ACSF3: variants seen among roughly 807,000 people sequenced by gnomAD.
ACSF3 encodes the protein acyl-CoA synthetase family member 3, also known as malonate--CoA ligase ACSF3, mitochondrial.
In ACSF3, 78 loss-of-function variants were observed where a neutral mutation model predicts 53.2. The ratio of observed to expected loss-of-function variants is 1.47; its 90% CI spans 1.22 to 1.77. The LOEUF is 1.77. Among genes scored for constraint, ACSF3 ranks in the 40% most tolerant of loss-of-function variants. The pLI, the probability that ACSF3 is intolerant of heterozygous loss-of-function variation, is 0.00. For synonymous variants in ACSF3, 414 were observed against 333.1 expected, an observed-to-expected ratio of 1.24 and a Z score of -2.65; for missense variants, 937 against 771.1, an observed-to-expected ratio of 1.22 and a Z score of -2.55.
At chr16:89,140,422 A>G (rs1911527200) in intron 8 of ACSF3, among the ~76,000 whole-genome samples, 1 of 152,198 alleles carries the variant, frequency 6.6e-6, no homozygotes, top group South Asian at 2.1e-4. Flanking sequence ...GGGGGCAGAG[A>G]TCTCAGGGCA....
chr16:89,128,192 C>T (rs1158565806), intron 7 of ACSF3, among the ~76,000 whole-genome samples: 2 of 151,200 alleles, frequency 1.3e-5, no homozygotes, highest in Non-Finnish European at 2.9e-5. Context: ...TAATGACGTA[C>T]GTTGCCCTTA....
chr16:89,106,671 G>C (rs1009525919), intron 4 of ACSF3, among the ~76,000 whole-genome samples: 4 of 152,212 alleles, frequency 2.6e-5, no homozygotes, highest in African/African-American at 7.2e-5. Flanking sequence ...AAGTTTCAGG[G>C]TTTTCCAACT....
At chr16:89,120,192 C>T (rs1283613177) in intron 6 of ACSF3, among the ~76,000 whole-genome samples, 3 of 152,216 alleles carry the variant, frequency 2.0e-5, no homozygotes, top group African/African-American at 7.2e-5. Context: ...ATGATTTTAG[C>T]CACGTTGAGA....
At chr16:89,096,477 C>T (rs192950639) in intron 1 of ACSF3, among the ~76,000 whole-genome samples, 7 of 152,156 alleles carry the variant, frequency 4.6e-5, no homozygotes, top group East Asian at 1.9e-4. Flanking sequence ...ATCCGATGAC[C>T]GTGAAGATTC....
rs575857695 is a variant in ACSF3 at position 89,155,993 on chromosome 16, G to A, written c.*1786G>A. 1.9e-4 allele frequency: 69 copies of A among 360,466 alleles called. 2 individuals are homozygous for A. Among genetic ancestry groups the A allele is most frequent in the African/African-American group, 1.3e-3 (60 of 46,850 alleles). 22.3% of individuals were successfully genotyped at this position (360,466 alleles called of 1,614,324 possible). ...ACAAACTACAGAAAGCCTGGAGCTC[G>A]TTGACCAGCCGGTTGACCAGAATAC... On this transcript the variant is annotated 3_prime_UTR_variant, in exon 11 of 11. Transcript: ENST00000614302.
At position 89,154,990 on chromosome 16, in the gene ACSF3, C is replaced by T. The variant is rs1301687792; in HGVS notation, c.*783C>T. On this transcript the variant is annotated 3_prime_UTR_variant, in exon 11 of 11. Transcript: ENST00000614302. ...CGTCTCCACCCAGACCCCCACCTGC[C>T]CCATGGCCCCCATTTCATGTCTGTG... The T allele has an allele frequency of 6.6e-6, 3 of 454,054 alleles. No homozygotes were observed. The Admixed American group carries it at 7.0e-5, about 11-fold the overall frequency. 28.1% of individuals were successfully genotyped at this position (454,054 alleles called of 1,614,324 possible).
At chr16:89,128,555 T>G (rs576460302) in intron 7 of ACSF3, among the ~76,000 whole-genome samples, 2 of 152,306 alleles carry the variant, frequency 1.3e-5, no homozygotes, top group African/African-American at 4.8e-5. Flanking sequence ...CCACCACGCC[T>G]GACCTAAATT....
intron 4 of ACSF3, among the ~76,000 whole-genome samples, chr16:89,110,785 G>C (rs541425166): frequency 2.6e-5 from 4 of 152,144 alleles, no homozygotes; most frequent in Admixed American, 1.3e-4. Flanking sequence ...TCCCGTCTGC[G>C]AGCCTGGCCT....
chr16:89,112,925 C>G (rs184798639), intron 5 of ACSF3, among the ~76,000 whole-genome samples: 2 of 152,212 alleles, frequency 1.3e-5, no homozygotes, highest in African/African-American at 4.8e-5. Flanking sequence ...CTCTCAGCCC[C>G]GCTCCTCCCC....
intron 1 of ACSF3, among the ~76,000 whole-genome samples, chr16:89,095,715 G>C (rs10163304): frequency 6.6e-6 from 1 of 152,170 alleles, no homozygotes; most frequent in Admixed American, 6.5e-5. Context: ...TTTTTGTTGC[G>C]AGGCTCCATG....
At chr16:89,124,196 C>T (rs1419053831) in intron 7 of ACSF3, among the ~76,000 whole-genome samples, 1 of 152,134 alleles carries the variant, frequency 6.6e-6, no homozygotes, top group African/African-American at 2.4e-5. Context: ...CTGTTACACA[C>T]ATAAATACAG....
intron 7 of ACSF3, among the ~76,000 whole-genome samples, chr16:89,128,971 G>A (rs60070081): frequency 0.76 from 108,815 of 143,050 alleles, 40,028 homozygotes; most frequent in Non-Finnish European, 0.83. Context: ...ACAAAAAGTT[G>A]GAAAAAAAAA....
intron 7 of ACSF3, among the ~76,000 whole-genome samples, chr16:89,125,954 G>A (rs77772107): frequency 3.5e-3 from 79 of 22,486 alleles, no homozygotes; most frequent in African/African-American, 0.013. Context: ...AACACGGTAT[G>A]TCTCTCCATT....
chr16:89,147,150 GT>G (rs1913119299), intron 10 of ACSF3, among the ~76,000 whole-genome samples: 1 of 145,446 alleles, frequency 6.9e-6, no homozygotes, highest in African/African-American at 2.6e-5. Flanking sequence ...GAGCCACAGA[GT>G]GAGTGAGGGA....
In ACSF3 at chr16:89,120,994, C is replaced by A. The variant is rs146927532; in HGVS notation, c.1239+81C>A. The A allele has an allele frequency of 3.1e-6, 4 of 1,282,188 alleles. No individual in the cohort carries two copies. The Admixed American group carries it at 6.9e-5, about 22-fold the overall frequency. 79.4% of individuals were successfully genotyped at this position (1,282,188 alleles called of 1,614,324 possible). On this transcript the variant is annotated intron_variant, in intron 7 of 10. Coordinates refer to ENST00000614302, the MANE Select transcript of ACSF3 (RefSeq NM_001243279.3). ...AGGGTGGTTACACTGGTGCATCTTT[C>A]CCCTGGAGGCAGACTCCCCTCCACG... is the stretch of plus-strand genomic sequence containing the variant.
intron 4 of ACSF3, among the ~76,000 whole-genome samples, chr16:89,105,496 T>C (rs1032547045): frequency 2.6e-5 from 4 of 151,970 alleles, no homozygotes; most frequent in Non-Finnish European, 5.9e-5. Flanking sequence ...ATGCCTTTGC[T>C]GTGTCTCTGG....
rs1483384039 is a variant in ACSF3, at chr16:89,154,994, T to C, written c.*787T>C. On this transcript the variant is annotated 3_prime_UTR_variant, in exon 11 of 11. Coordinates refer to ENST00000614302, the MANE Select transcript of ACSF3 (RefSeq NM_001243279.3). ...TCCACCCAGACCCCCACCTGCCCCA[T>C]GGCCCCCATTTCATGTCTGTGGCTC... is the stretch of plus-strand genomic sequence containing the variant. The C allele has an allele frequency of 2.2e-6, 1 of 453,862 alleles. No homozygotes were observed. The highest frequency in any genetic ancestry group is 4.4e-6 in the Non-Finnish European group (1 of 226,776). 28.1% of individuals were successfully genotyped at this position (453,862 alleles called of 1,614,324 possible).
At chr16:89,139,591 G>GTTTT (rs56177880) in intron 8 of ACSF3, among the ~76,000 whole-genome samples, 3 of 111,196 alleles carry the variant, frequency 2.7e-5, no homozygotes, top group African/African-American at 3.5e-5. Context: ...TTTTTTTTCT[G>GTTTT]TTTTTTTTTT....
At chr16:89,135,560 A>G (rs534820791) in intron 8 of ACSF3, among the ~76,000 whole-genome samples, 4 of 152,258 alleles carry the variant, frequency 2.6e-5, no homozygotes, top group Admixed American at 6.5e-5. Flanking sequence ...TCTCTGTGAC[A>G]GGACGTGGTC....
Sources: gnomAD v4.1 joint callset for allele counts (sites outside exome capture counted in the v4.1 genomes callset) on GRCh38, gnomAD v4.1.1 for gene constraint, MANE v1.5 for transcripts, NCBI Gene and HGNC (gene_info 2026-07-23, HGNC 2026-07-21) for gene names.